Variants in ARB2A observed in about 807,000 individuals in gnomAD.
ARB2A encodes the protein cotranscriptional regulator ARB2A.
chr5:94,020,130 G>A, the ARB2A span, among the ~76,000 whole-genome samples: 1 of 152,024 alleles, frequency 6.6e-6, no homozygotes, highest in Non-Finnish European at 1.5e-5. Flanking sequence ...GGATGAAGCT[G>A]GAAACCATCA....
At chr5:93,835,435 A>C in the ARB2A span, among the ~76,000 whole-genome samples, 1 of 152,226 alleles carries the variant, frequency 6.6e-6, no homozygotes, top group South Asian at 2.1e-4. Flanking sequence ...TGTTGCTACA[A>C]AGTTATAAAA....
the ARB2A span, among the ~76,000 whole-genome samples, chr5:93,979,095 T>C: frequency 6.6e-6 from 1 of 152,108 alleles, no homozygotes; most frequent in African/African-American, 2.4e-5. Context: ...TCTATGCATA[T>C]AACAAAGTAT....
the ARB2A span, among the ~76,000 whole-genome samples, chr5:93,752,971 G>A: frequency 2.0e-5 from 3 of 152,120 alleles, no homozygotes; most frequent in African/African-American, 7.2e-5. Flanking sequence ...GTGTAAAAGT[G>A]TTATTTAGTT....
At chr5:93,625,051 T>C in the ARB2A span, among the ~76,000 whole-genome samples, 8 of 152,192 alleles carry the variant, frequency 5.3e-5, no homozygotes, top group East Asian at 1.5e-3. Context: ...CCCATGGTAC[T>C]TGAGGTGCCA....
chr5:93,640,555 GGTGTGTGTGTGTGTGTGTATGTGTGT>G, the ARB2A span, among the ~76,000 whole-genome samples: 4 of 147,498 alleles, frequency 2.7e-5, no homozygotes, highest in African/African-American at 1.0e-4. Context: ...TTCCTATAGG[GGTGTGTGTGTGTGTGTGTATGTGTGT>G]GTGTGTGTGT....
the ARB2A span, among the ~76,000 whole-genome samples, chr5:93,756,348 C>T: frequency 2.0e-5 from 3 of 152,178 alleles, no homozygotes; most frequent in African/African-American, 4.8e-5. Context: ...CCCTGCCCAC[C>T]GCTGGTCCCT....
the ARB2A span, among the ~76,000 whole-genome samples, chr5:94,062,854 C>T: frequency 6.6e-6 from 1 of 152,210 alleles, no homozygotes; most frequent in South Asian, 2.1e-4. Context: ...GGCAAAAATG[C>T]AAGCCATTAG....
chr5:93,773,644 A>G, the ARB2A span, among the ~76,000 whole-genome samples: 1 of 152,062 alleles, frequency 6.6e-6, no homozygotes, highest in Non-Finnish European at 1.5e-5. Flanking sequence ...TTTTTAACCA[A>G]TTCAAGTTTT....
the ARB2A span, among the ~76,000 whole-genome samples, chr5:93,653,290 C>T: frequency 7.9e-5 from 12 of 151,126 alleles, no homozygotes; most frequent in African/African-American, 2.7e-4. Context: ...GGGTGGATCA[C>T]GAGGTCAGGA....
the ARB2A span, among the ~76,000 whole-genome samples, chr5:93,953,174 G>A: frequency 6.6e-6 from 1 of 152,130 alleles, no homozygotes; most frequent in African/African-American, 2.4e-5. Context: ...TTCACCTGGT[G>A]AGGTCATGTT....
chr5:93,827,745 C>G, the ARB2A span, among the ~76,000 whole-genome samples: 1 of 151,658 alleles, frequency 6.6e-6, no homozygotes, highest in Non-Finnish European at 1.5e-5. Context: ...ACGTTTAAGT[C>G]TTTAATCCAT....
the ARB2A span, among the ~76,000 whole-genome samples, chr5:93,846,497 G>A: frequency 2.0e-5 from 3 of 151,384 alleles, no homozygotes; most frequent in Non-Finnish European, 2.9e-5. Context: ...GCAAGACCAT[G>A]TCTCTAAAAA....
the ARB2A span, among the ~76,000 whole-genome samples, chr5:94,006,254 A>G: frequency 6.6e-6 from 1 of 152,226 alleles, no homozygotes; most frequent in Non-Finnish European, 1.5e-5. Context: ...TCTTATGCTG[A>G]GTAAAAACAG....
the ARB2A span, among the ~76,000 whole-genome samples, chr5:93,622,348 T>C: frequency 2.0e-5 from 3 of 152,216 alleles, no homozygotes; most frequent in African/African-American, 4.8e-5. Flanking sequence ...GATAATTCTT[T>C]AGTCTGTAAT....
chr5:94,050,802 C>T, the ARB2A span: 2 of 1,611,930 alleles, frequency 1.2e-6, no homozygotes, highest in Non-Finnish European at 8.5e-7. Flanking sequence ...ACAAATGGTT[C>T]CCCAGTTTTT....
the ARB2A span, chr5:93,683,459 A>G: frequency 6.3e-7 from 1 of 1,598,058 alleles, no homozygotes; most frequent in Non-Finnish European, 8.5e-7. Flanking sequence ...CCCAAGGGAA[A>G]CTGTTGGCTG....
the ARB2A span, among the ~76,000 whole-genome samples, chr5:93,870,565 G>T: frequency 1.3e-5 from 2 of 152,192 alleles, no homozygotes; most frequent in Non-Finnish European, 2.9e-5. Context: ...GGACCTGCAA[G>T]GTCTCTATTT....
At chr5:93,765,073 C>A in the ARB2A span, among the ~76,000 whole-genome samples, 1 of 152,128 alleles carries the variant, frequency 6.6e-6, no homozygotes, top group East Asian at 1.9e-4. Flanking sequence ...ATATGACAAA[C>A]GCACAGCCAA....
chr5:93,992,806 G>A, the ARB2A span, among the ~76,000 whole-genome samples: 2 of 151,804 alleles, frequency 1.3e-5, no homozygotes, highest in African/African-American at 4.8e-5. Context: ...TCAAAAGAAT[G>A]GTAATTCTAA....
Sources: gnomAD v4.1 joint callset for allele counts (sites outside exome capture counted in the v4.1 genomes callset) on GRCh38, gnomAD v4.1.1 for gene constraint, MANE v1.5 for transcripts, NCBI Gene and HGNC (gene_info 2026-07-23, HGNC 2026-07-21) for gene names.